Variants in SYNC observed in about 807,000 individuals in gnomAD.
SYNC encodes syncoilin, intermediate filament protein.
A neutral mutation model predicts 49.5 loss-of-function variants in SYNC; 38 were observed. That is an observed-to-expected ratio of 0.77 (90% CI 0.59 to 1.01). The LOEUF (loss-of-function observed/expected upper bound fraction) is 1.01, where lower values mean the gene tolerates loss of function less well. Ranked by LOEUF, SYNC falls within the 50% of genes least tolerant of loss-of-function variation. The pLI, the probability that SYNC is intolerant of heterozygous loss-of-function variation, is 0.00. For missense variants in SYNC, 579 were observed against 580.6 expected (o/e 1.00, Z 0.03); for synonymous variants, 201 against 230.8 (o/e 0.87, Z 1.17).
intron 2 of SYNC, among the ~76,000 whole-genome samples, chr1:32,690,666 TAGAG>T (rs71855250): frequency 0.041 from 5,680 of 139,806 alleles, 213 homozygotes; most frequent in East Asian, 0.12. Flanking sequence ...AAAAAAAAAG[TAGAG>T]AGGCAGGCAG....
In SYNC at chr1:32,695,808, A is replaced by G; in HGVS notation, c.290T>C (p.Val97Ala). ...CTCCTCTGGATTCCCAGGCTCCTCC[A>G]CATGCAGAGCCTCATCTGGCTGCAT... is the stretch of plus-strand genomic sequence containing the variant. ...EAMQPDEALH[V>A]EEPGNPEETV... Residue 97 changes from valine (V) to alanine (A), a missense_variant, in exon 2 of 5, where the codon GTG (valine) becomes GCG (alanine). Physicochemically the swap from Val to Ala is moderately conservative, Grantham distance 64. Coordinates refer to ENST00000409190, the MANE Select transcript of SYNC (RefSeq NM_030786.3). 6.4e-7 allele frequency: 1 copy of G among 1,551,620 alleles called. No homozygotes were observed. Among genetic ancestry groups the G allele is most frequent in the Non-Finnish European group, 8.7e-7 (1 of 1,146,964 alleles).
rs766266642 is a variant in SYNC at position 32,684,460 on chromosome 1, CTT to C, written c.1234-80_1234-79del. On this transcript the variant is annotated intron_variant, in intron 2 of 4. Transcript: ENST00000409190. Reference sequence around the variant, plus strand: ...ATTGTCCACTCTTACTTATAAAACACTTTTTTGTTCATTGTTTAATCTTGATA... The same window carrying C: ...ATTGTCCACTCTTACTTATAAAACACTTTTGTTCATTGTTTAATCTTGATA... 572 of 1,593,814 alleles carry C rather than the reference CTT, an allele frequency of 3.6e-4. 3 individuals carry two copies. The highest frequency in any genetic ancestry group is 1.7e-3 in the South Asian group (155 of 89,116).
In SYNC at chr1:32,681,813, T is replaced by C. The variant is rs769846031; in HGVS notation, c.*37A>G. On this transcript the variant is annotated 3_prime_UTR_variant, in exon 5 of 5. Transcript: ENST00000409190. ...TTAGTGATCCTTTGCTAAGAAGTTT[T>C]TTGCTGTTTCCGGGTTACAGATTTG... is the stretch of plus-strand genomic sequence containing the variant. 2.9e-5 allele frequency: 47 copies of C among 1,614,176 alleles called. No homozygotes were observed. The South Asian group carries it at 4.0e-4, about 14-fold the overall frequency.
Position 32,695,424 on chromosome 1 carries a change from T to C in SYNC, c.674A>G (p.His225Arg). 2.6e-6 allele frequency: 4 copies of C among 1,551,752 alleles called. No homozygotes were observed. Among genetic ancestry groups the C allele is most frequent in the South Asian group, 2.4e-5 (2 of 84,034 alleles). ...HQDILAAYKL[H>R]AQAELERDGL... ...ATCTCTCTCCAGCTCTGCTTGGGCATGGAGCTTGTAGGCAGCCAGGATGTC... is the reference window on the plus strand; with the variant it reads ...ATCTCTCTCCAGCTCTGCTTGGGCACGGAGCTTGTAGGCAGCCAGGATGTC... Residue 225 changes from histidine to arginine, a missense_variant, in exon 2 of 5, where the codon CAT becomes CGT. His to Arg is a conservative substitution (Grantham distance 29). Transcript: ENST00000409190.
In SYNC at chr1:32,680,227, A is replaced by G; in HGVS notation, c.*1623T>C. On this transcript the variant is annotated 3_prime_UTR_variant, in exon 5 of 5. Transcript: ENST00000409190. Reference sequence around the variant, plus strand: ...AGACCAGTTTCCTCTTGGTTTCTTCAGTTAAGTCAAAACAACACGTTCCTC... The same window carrying G: ...AGACCAGTTTCCTCTTGGTTTCTTCGGTTAAGTCAAAACAACACGTTCCTC... The G allele has an allele frequency of 1.7e-6, 2 of 1,144,642 alleles. No homozygotes were observed. Among genetic ancestry groups the G allele is most frequent in the Non-Finnish European group, 1.1e-6 (1 of 931,394 alleles). The allele number at this position is 1,144,642 out of a possible 1,614,324, so 70.9% of individuals were successfully genotyped here.
chr1:32,683,955 ATTG>A, intron 4 of SYNC, 52 bp downstream of exon 4: 1 of 1,556,490 alleles, frequency 6.4e-7, no homozygotes, highest in East Asian at 2.2e-5. Flanking sequence ...ATTAATTAGT[ATTG>A]TTAGGAAAGC....
chr1:32,702,748 A>G lies in SYNC; in HGVS notation c.-88T>C, dbSNP rs1650720600. On this transcript the variant is annotated 5_prime_UTR_variant, in exon 1 of 5. Transcript: ENST00000409190. The surrounding 1 kb of genome is among the most constrained non-coding windows in gnomAD (Gnocchi z 6.2). ...CGGCGCCCGCGCCCGCCGCACTGCC[A>G]GCTGCAACCGACACCGGATCCCGGC... The G allele has an allele frequency of 6.8e-6, 7 of 1,032,166 alleles. No individual in the cohort carries two copies. Among genetic ancestry groups the G allele is most frequent in the Non-Finnish European group, 7.0e-6 (6 of 851,664 alleles). 63.9% of individuals were successfully genotyped at this position (1,032,166 alleles called of 1,614,324 possible).
At chr1:32,694,830 A>G in intron 2 of SYNC, 35 bp downstream of exon 2, 1 of 1,520,666 alleles carries the variant, frequency 6.6e-7, no homozygotes, top group Non-Finnish European at 8.8e-7. Context: ...CCCAGGTTAA[A>G]AGACCTCAGT....
In SYNC at chr1:32,680,309, T is replaced by G; in HGVS notation, c.*1541A>C. On this transcript the variant is annotated 3_prime_UTR_variant, in exon 5 of 5. Transcript: ENST00000409190. ...TAGTGTATTTCTTGAGCTGTTTTCATGTTGTTTATTTCCTGTCTGTGAAAT... is the reference window on the plus strand; with the variant it reads ...TAGTGTATTTCTTGAGCTGTTTTCAGGTTGTTTATTTCCTGTCTGTGAAAT... 4 of 1,307,242 alleles carry G rather than the reference T, an allele frequency of 3.1e-6. No individual in the cohort carries two copies. Among genetic ancestry groups the G allele is most frequent in the East Asian group, 3.1e-5 (1 of 32,236 alleles). 81.0% of individuals were successfully genotyped at this position (1,307,242 alleles called of 1,614,324 possible).
intron 1 of SYNC, among the ~76,000 whole-genome samples, chr1:32,700,681 G>GAGCA (rs1650631624): frequency 6.6e-6 from 1 of 152,094 alleles, no homozygotes; most frequent in Admixed American, 6.6e-5. Context: ...TGAGCAACAA[G>GAGCA]AGCAAGACTC....
chr1:32,696,283 T>C (rs758340611), intron 1 of SYNC, among the ~76,000 whole-genome samples: 2 of 151,950 alleles, frequency 1.3e-5, no homozygotes, highest in Non-Finnish European at 2.9e-5. Flanking sequence ...GGACTCGACA[T>C]ACCTGAGGCA....
chr1:32,682,053 T>C, intron 4 of SYNC, 193 bp from the exon 5 acceptor site: 1 of 574,934 alleles, frequency 1.7e-6, no homozygotes, highest in Non-Finnish European at 3.1e-6. Flanking sequence ...AGTTAAACGT[T>C]TTCTCTGCTA....
rs537852964 is a variant in SYNC at position 32,684,324 on chromosome 1, T to C, written c.1292A>G (p.Gln431Arg). 17 of 1,614,222 alleles carry C rather than the reference T, an allele frequency of 1.1e-5. No homozygotes were observed. In the South Asian group the frequency reaches 1.5e-4, roughly 15 times the overall value. The change falls in exon 3 of 5, where the codon CAG becomes CGG. Residue 431 changes from glutamine (Q) to arginine (R), a missense_variant. Transcript: ENST00000409190. Reference sequence around the variant, plus strand: ...TTCCATCTCTTTGTTCTTCTGTTGCTGGAGTTGCACCCCATTTCTTAACTG... The same window carrying C: ...TTCCATCTCTTTGTTCTTCTGTTGCCGGAGTTGCACCCCATTTCTTAACTG... ...QRQLRNGVQL[Q>R]QQKNKEMEQL...
Position 32,695,475 on chromosome 1 carries a change from A to C in SYNC, c.623T>G (p.Leu208Arg). The C allele has an allele frequency of 2.6e-6, 4 of 1,551,462 alleles. No individual in the cohort carries two copies. Among genetic ancestry groups the C allele is most frequent in the Non-Finnish European group, 2.6e-6 (3 of 1,146,988 alleles). Reference protein sequence around the residue: ...HELVLLREPALQEVQQVHQDI... With the variant: ...HELVLLREPARQEVQQVHQDI... The stretch of plus-strand genomic sequence containing the variant: ...TTGATGGACTTGCTGTACCTCCTGC[A>C]GGGCTGGTTCCCGGAGCAATACAAG... Residue 208 changes from leucine (L) to arginine (R), a missense_variant, in exon 2 of 5, where the codon CTG becomes CGG. Coordinates refer to ENST00000409190, the MANE Select transcript of SYNC (RefSeq NM_030786.3).
chr1:32,683,808 T>C (rs1292428988), intron 4 of SYNC: 6 of 551,940 alleles, frequency 1.1e-5, no homozygotes, highest in Admixed American at 8.6e-5. Context: ...AATTTTTGTA[T>C]TTTTAGTGGA....
chr1:32,679,929 T>G lies in SYNC; in HGVS notation c.*1921A>C. 1 of 1,300,396 alleles carries G rather than the reference T, an allele frequency of 7.7e-7. No homozygotes were observed. The highest frequency in any genetic ancestry group is 9.7e-7 in the Non-Finnish European group (1 of 1,027,806). 80.6% of individuals were successfully genotyped at this position (1,300,396 alleles called of 1,614,324 possible). On this transcript the variant is annotated 3_prime_UTR_variant, in exon 5 of 5. Transcript: ENST00000409190. ...ACGTTGAAATTTTCTTCAGGAATTT[T>G]CTAGTAACCCAGGTCTAAAGTAGCT...
chr1:32,687,470 A>G (rs1192161336), intron 2 of SYNC, among the ~76,000 whole-genome samples: 2 of 152,096 alleles, frequency 1.3e-5, no homozygotes, highest in South Asian at 4.1e-4. Context: ...CAAGAGATCA[A>G]AACCATCCCG....
Position 32,702,575 on chromosome 1 carries a change from CG to C in SYNC, c.53+32del. On this transcript the variant is annotated intron_variant, in intron 1 of 4. Coordinates refer to ENST00000409190, the MANE Select transcript of SYNC (RefSeq NM_030786.3). This position sits in a 1 kb window ranked among gnomAD's most constrained non-coding sequence, Gnocchi z 6.2. Reference sequence around the variant, plus strand: ...CCGTCCAGCAGCACCCCTTCCCCAGCGGGGCGGCGACGCGGGCCCGGCACTG... The same window carrying C: ...CCGTCCAGCAGCACCCCTTCCCCAGCGGGCGGCGACGCGGGCCCGGCACTG... 2 of 1,171,876 alleles carry C rather than the reference CG, an allele frequency of 1.7e-6. No individual in the cohort carries two copies. Among genetic ancestry groups the C allele is most frequent in the South Asian group, 4.2e-5 (1 of 23,770 alleles). The allele number at this position is 1,171,876 out of a possible 1,614,324, so 72.6% of individuals were successfully genotyped here. A position where few individuals can be genotyped will look rare whatever the true frequency, so the allele number is the denominator to read the frequency against.
chr1:32,681,764 T>C lies in SYNC; in HGVS notation c.*86A>G. 1 of 1,610,342 alleles carries C rather than the reference T, an allele frequency of 6.2e-7. No homozygotes were observed. The highest frequency in any genetic ancestry group is 8.5e-7 in the Non-Finnish European group (1 of 1,176,938). On this transcript the variant is annotated 3_prime_UTR_variant, in exon 5 of 5. Coordinates refer to ENST00000409190, the MANE Select transcript of SYNC (RefSeq NM_030786.3). The stretch of plus-strand genomic sequence containing the variant: ...CAAGTTTCTGGCACTCTTGTCTGGT[T>C]GGAAGAGTACATCCAAAGGGTACTT...
Sources: allele counts gnomAD v4.1 joint callset (sites outside exome capture counted in the v4.1 genomes callset), GRCh38; gene constraint gnomAD v4.1.1; non-coding constraint Gnocchi (gnomAD v3.1); transcripts MANE v1.5; gene names NCBI Gene and HGNC (gene_info 2026-07-23, HGNC 2026-07-21).